The following CALN1 variants were observed in gnomAD, a reference collection of about 807,000 sequenced individuals.
The protein encoded by CALN1 is calneuron 1.
A neutral mutation model predicts 30.6 loss-of-function variants in CALN1; 17 were observed. The ratio of observed to expected loss-of-function variants is 0.56; its 90% CI spans 0.38 to 0.83. The LOEUF is 0.83. CALN1 is among the 40% of genes least tolerant of loss of function. The probability of loss-of-function intolerance (pLI) is 0.00; values close to 1 mark genes in which losing one functional copy is unlikely to be tolerated. For missense variants in CALN1, 291 were observed against 354.9 expected (o/e 0.82, Z 1.45); for synonymous variants, 156 against 131.4 (o/e 1.19, Z -1.28).
intron 5 of CALN1, among the ~76,000 whole-genome samples, chr7:71,919,599 T>C (rs1794837098): frequency 6.6e-6 from 1 of 152,180 alleles, no homozygotes. Flanking sequence ...CAAGAGACAC[T>C]GTGAGTATGG....
chr7:72,068,833 C>G (rs777285998), intron 4 of CALN1, among the ~76,000 whole-genome samples: 18 of 152,238 alleles, frequency 1.2e-4, no homozygotes, highest in South Asian at 4.1e-4. Context: ...ATAATACTCA[C>G]TTAGCTACCT....
chr7:71,913,890 G>A (rs892011252), intron 5 of CALN1: 5 of 152,140 alleles, frequency 3.3e-5, no homozygotes, highest in African/African-American at 4.8e-5. Context: ...TTATCCATTC[G>A]AGCTTCATCA....
chr7:72,366,987 C>A (rs1017786904), intron 2 of CALN1, among the ~76,000 whole-genome samples: 1 of 152,064 alleles, frequency 6.6e-6, no homozygotes, highest in Admixed American at 6.5e-5. Context: ...AAAGAATATA[C>A]CACAACAATA....
intron 3 of CALN1, among the ~76,000 whole-genome samples, chr7:72,217,478 T>C (rs1274401169): frequency 1.3e-5 from 2 of 152,118 alleles, no homozygotes; most frequent in African/African-American, 4.8e-5. Context: ...TAGCAACCAG[T>C]TACTCTTCAA....
chr7:72,387,971 G>T (rs1310165688), intron 2 of CALN1, among the ~76,000 whole-genome samples: 1 of 152,176 alleles, frequency 6.6e-6, no homozygotes, highest in East Asian at 1.9e-4. Context: ...GCACAGTAAA[G>T]TGACTGTAAT....
intron 4 of CALN1, among the ~76,000 whole-genome samples, chr7:72,092,732 G>A (rs1319035918): frequency 6.6e-6 from 1 of 151,530 alleles, no homozygotes; most frequent in Non-Finnish European, 1.5e-5. Flanking sequence ...CATATAGTTG[G>A]GTTGTACTCC....
At chr7:72,354,380 C>A (rs1307261897) in intron 2 of CALN1, among the ~76,000 whole-genome samples, 1 of 152,128 alleles carries the variant, frequency 6.6e-6, no homozygotes, top group African/African-American at 2.4e-5. Context: ...TCAATTCTCT[C>A]CAAATTGATC....
chr7:72,296,751 CTTT>C (rs1165134529), intron 2 of CALN1, among the ~76,000 whole-genome samples: 2 of 150,556 alleles, frequency 1.3e-5, no homozygotes. Context: ...ATTCTTCTCT[CTTT>C]TTTTATTAGT....
intron 3 of CALN1, among the ~76,000 whole-genome samples, chr7:72,260,974 G>T (rs772644349): frequency 6.6e-6 from 1 of 152,120 alleles, no homozygotes; most frequent in Non-Finnish European, 1.5e-5. Flanking sequence ...TACGAGCAGA[G>T]TAACAGCAGC....
At chr7:72,315,805 G>A (rs1310607684) in intron 2 of CALN1, among the ~76,000 whole-genome samples, 2 of 152,084 alleles carry the variant, frequency 1.3e-5, no homozygotes, top group African/African-American at 4.8e-5. Context: ...ATTAAAATAG[G>A]AAAAAGCTTG....
At chr7:72,299,272 T>A (rs1028654980) in intron 2 of CALN1, among the ~76,000 whole-genome samples, 1 of 152,036 alleles carries the variant, frequency 6.6e-6, no homozygotes, top group Admixed American at 6.6e-5. Flanking sequence ...GAAATTACCA[T>A]GAAACAAGGA....
At chr7:72,298,367 A>T (rs1371558560) in intron 2 of CALN1, among the ~76,000 whole-genome samples, 1 of 152,242 alleles carries the variant, frequency 6.6e-6, no homozygotes, top group African/African-American at 2.4e-5. Flanking sequence ...GTGAGAGTCA[A>T]TAGAGATCTA....
At chr7:72,316,541 A>G (rs746117563) in intron 2 of CALN1, among the ~76,000 whole-genome samples, 12 of 152,140 alleles carry the variant, frequency 7.9e-5, no homozygotes, top group South Asian at 2.1e-4. Flanking sequence ...ACTGTCATCA[A>G]TGATTACCTC....
intron 2 of CALN1, among the ~76,000 whole-genome samples, chr7:72,304,882 A>C (rs6946262): frequency 0.99 from 150,633 of 152,334 alleles, 74,494 homozygotes; most frequent in Middle Eastern, 1. Context: ...ACACTTAGTG[A>C]CATGGGTCTA....
At chr7:72,474,706 A>G in the CALN1 span, among the ~76,000 whole-genome samples, 3 of 151,008 alleles carry the variant, frequency 2.0e-5, no homozygotes, top group Non-Finnish European at 4.4e-5. Context: ...AAAATCCAGC[A>G]GAGACCCTTC....
At chr7:72,209,218 C>CTCTT in intron 3 of CALN1, among the ~76,000 whole-genome samples, 1 of 104,888 alleles carries the variant, frequency 9.5e-6, no homozygotes, top group African/African-American at 4.0e-5. Context: ...CCTTCCTTCC[C>CTCTT]TCCTTCCCTC....
At chr7:72,022,986 T>G (rs577557803) in intron 5 of CALN1, among the ~76,000 whole-genome samples, 1 of 151,214 alleles carries the variant, frequency 6.6e-6, no homozygotes, top group East Asian at 1.9e-4. Context: ...GCGTTTTACG[T>G]GTCTAACTGG....
chr7:71,917,642 G>A (rs1584507090), intron 5 of CALN1, among the ~76,000 whole-genome samples: 1 of 152,114 alleles, frequency 6.6e-6, no homozygotes, highest in African/African-American at 2.4e-5. Context: ...GGCAGCAGGA[G>A]AGAATGAGTG....
intron 5 of CALN1, among the ~76,000 whole-genome samples, chr7:71,869,218 T>G (rs1027095476): frequency 3.9e-5 from 6 of 152,138 alleles, no homozygotes; most frequent in Non-Finnish European, 8.8e-5. Context: ...AAACACTTTT[T>G]TTTTTTTTTG....
Sources: allele counts gnomAD v4.1 joint callset (sites outside exome capture counted in the v4.1 genomes callset), GRCh38; gene constraint gnomAD v4.1.1; transcripts MANE v1.5; gene names NCBI Gene and HGNC (gene_info 2026-07-23, HGNC 2026-07-21).